EPB41L1: variants seen among roughly 807,000 people sequenced by gnomAD.
EPB41L1 encodes the protein erythrocyte membrane protein band 4.1 like 1.
A neutral mutation model predicts 97.8 loss-of-function variants in EPB41L1; 29 were observed. The observed-to-expected ratio is 0.30, with a 90% CI of 0.22 to 0.40. EPB41L1 has a LOEUF of 0.40. EPB41L1 is among the 10% of genes least tolerant of loss of function. The probability of loss-of-function intolerance (pLI) is 1.00; values close to 1 mark genes in which losing one functional copy is unlikely to be tolerated. For missense variants in EPB41L1, 812 were observed against 1,162.3 expected (o/e 0.70, Z 4.38); for synonymous variants, 383 against 459.2 (o/e 0.83, Z 2.12).
At chr20:36,154,636 C>T, upstream of EPB41L1, 5 of 818,734 alleles carry the variant, frequency 6.1e-6, no homozygotes, top group Non-Finnish European at 6.7e-6. This position sits in a 1 kb window ranked among gnomAD's most constrained non-coding sequence, Gnocchi z 5.5. Flanking sequence ...GAGGCCGGGG[C>T]GGGGGCGGGG....
At position 36,209,945 on chromosome 20, in the gene EPB41L1, C is replaced by G. The variant is rs770021917; in HGVS notation, c.2079+47C>G. 2.5e-6 allele frequency: 4 copies of G among 1,602,304 alleles called. No individual in the cohort carries two copies. Among genetic ancestry groups the G allele is most frequent in the Non-Finnish European group, 3.4e-6 (4 of 1,175,158 alleles). ...AGCCAGGCCCGCTGGGCACCGCATG[C>G]TCAGAGGGCCCTGGGCCACCCGTGA... On this transcript the variant is annotated intron_variant, in intron 15 of 21. Coordinates refer to ENST00000338074, the MANE Select transcript of EPB41L1 (RefSeq NM_012156.2). The surrounding 1 kb of genome is among the most constrained non-coding windows in gnomAD (Gnocchi z 4.2).
intron 2 of EPB41L1, among the ~76,000 whole-genome samples, chr20:36,116,626 GT>G (rs1393472188): frequency 6.6e-6 from 1 of 152,194 alleles, no homozygotes; most frequent in Non-Finnish European, 1.5e-5. Context: ...AGACAGCACA[GT>G]GCTCCAGGCA....
At chr20:36,153,115 A>G (rs770752391), upstream of EPB41L1, 1 of 456,692 alleles carries the variant, frequency 2.2e-6, no homozygotes, top group South Asian at 1.5e-5. Context: ...GTTGGAGAAG[A>G]GAAGGCTTGC....
chr20:36,222,171 C>G (rs2063819394), intron 20 of EPB41L1, 107 bp from the exon 21 acceptor site: 1 of 1,131,258 alleles, frequency 8.8e-7, no homozygotes, highest in African/African-American at 1.5e-5. Flanking sequence ...TTGCCCCTCT[C>G]TGGGCCTCAG....
At chr20:36,179,471 T>C (rs954883113) in intron 5 of EPB41L1, among the ~76,000 whole-genome samples, 1 of 152,348 alleles carries the variant, frequency 6.6e-6, no homozygotes, top group African/African-American at 2.4e-5. Context: ...CATCCTGTGC[T>C]CTTTTCAAGG....
intron 2 of EPB41L1, among the ~76,000 whole-genome samples, chr20:36,121,090 A>G (rs941591259): frequency 1.4e-5 from 2 of 138,876 alleles, no homozygotes; most frequent in Admixed American, 1.5e-4. Flanking sequence ...AAAAAAAAAG[A>G]GAGCGATCTC....
At chr20:36,162,090 C>G (rs529837264) in intron 1 of EPB41L1, among the ~76,000 whole-genome samples, 1 of 152,306 alleles carries the variant, frequency 6.6e-6, no homozygotes, top group African/African-American at 2.4e-5. Flanking sequence ...CACTATACAC[C>G]TTGGAGGTGC....
intron 1 of EPB41L1, among the ~76,000 whole-genome samples, chr20:36,104,282 A>T (rs1245408772): frequency 6.6e-6 from 1 of 152,186 alleles, no homozygotes; most frequent in Non-Finnish European, 1.5e-5. Context: ...GGCTGGGAGG[A>T]GACCCATATT....
intron 2 of EPB41L1, among the ~76,000 whole-genome samples, chr20:36,122,158 G>A (rs143979394): frequency 6.6e-6 from 1 of 152,148 alleles, no homozygotes; most frequent in Non-Finnish European, 1.5e-5. Context: ...CTATGGTTGT[G>A]GGGGGAGAAG....
intron 20 of EPB41L1, 58 bp downstream of exon 20, chr20:36,222,002 T>C: frequency 1.3e-6 from 2 of 1,566,808 alleles, no homozygotes; most frequent in Non-Finnish European, 1.8e-6. Context: ...ATCCCTCCTA[T>C]GTTGGGTTAC....
At chr20:36,124,464 G>A (rs2746105) in intron 2 of EPB41L1, among the ~76,000 whole-genome samples, 56,072 of 151,980 alleles carry the variant, frequency 0.37, 14,122 homozygotes, top group African/African-American at 0.72. Flanking sequence ...GGTCATTTCC[G>A]TCAGCCACAG....
upstream of EPB41L1, among the ~76,000 whole-genome samples, chr20:36,154,218 AGG>A (rs1359161880): frequency 2.6e-5 from 4 of 152,092 alleles, no homozygotes; most frequent in African/African-American, 9.7e-5. This position sits in a 1 kb window ranked among gnomAD's most constrained non-coding sequence, Gnocchi z 5.5. Context: ...GCTGTGCTGC[AGG>A]GGTGGTGAGG....
At chr20:36,105,092 G>T (rs902408409) in intron 1 of EPB41L1, among the ~76,000 whole-genome samples, 2 of 152,176 alleles carry the variant, frequency 1.3e-5, no homozygotes, top group Admixed American at 1.3e-4. Context: ...TGGGAACCAG[G>T]GGAATATTGG....
intron 14 of EPB41L1, among the ~76,000 whole-genome samples, chr20:36,202,271 A>G (rs1229919314): frequency 4.6e-5 from 7 of 152,326 alleles, no homozygotes; most frequent in Admixed American, 3.3e-4. Context: ...GCGGCAGCCC[A>G]TTAACTATTG....
Position 36,232,705 on chromosome 20 carries a change from G to A in EPB41L1, c.*3365G>A, listed in dbSNP as rs2064545230. The A allele has an allele frequency of 5.0e-6, 2 of 398,790 alleles. No homozygotes were observed. Among genetic ancestry groups the A allele is most frequent in the South Asian group, 1.3e-4 (1 of 7,842 alleles). The allele number at this position is 398,790 out of a possible 1,614,324, so 24.7% of individuals were successfully genotyped here. A position where few individuals can be genotyped will look rare whatever the true frequency, so the allele number is the denominator to read the frequency against. ...CCCTTCTCTCCTTTCTCGTCCCCAT[G>A]CTCCCCCACCTCAGTGCTCCGTGCT... On this transcript the variant is annotated 3_prime_UTR_variant, in exon 22 of 22. Transcript: ENST00000338074.
chr20:36,199,516 T>C (rs1238414253), intron 14 of EPB41L1, among the ~76,000 whole-genome samples: 3 of 152,230 alleles, frequency 2.0e-5, no homozygotes, highest in Non-Finnish European at 2.9e-5. Flanking sequence ...CGGCTTTGTC[T>C]AGTAAGGCAT....
At chr20:36,102,710 G>A (rs1731025328) in intron 1 of EPB41L1, among the ~76,000 whole-genome samples, 1 of 152,148 alleles carries the variant, frequency 6.6e-6, no homozygotes, top group Admixed American at 6.5e-5. Context: ...CATCTTCAGA[G>A]ATTCTGGACA....
intron 21 of EPB41L1, among the ~76,000 whole-genome samples, chr20:36,226,352 G>A (rs776413237): frequency 6.6e-6 from 1 of 152,136 alleles, no homozygotes; most frequent in Non-Finnish European, 1.5e-5. Context: ...AATAACAATC[G>A]CTATAATTTA....
In EPB41L1 at chr20:36,094,968, AT is replaced by A. The variant is rs1179706781; in HGVS notation, c.-65+3369del. ...AGGAATGAGCCACCACGCCCAGCTA[AT>A]TTTTTTTTTTTTCTTTTTTGAGACA... On this transcript the variant is annotated intron_variant, in intron 1 of 19. Transcript: ENST00000202028. Among the ~76,000 whole-genome samples the A allele has an allele frequency of 3.5e-3, 503 of 144,796 alleles. 1 individual carries two copies. The highest frequency in any genetic ancestry group is 8.7e-3 in the African/African-American group (343 of 39,580). 95.0% of individuals were successfully genotyped at this position (144,796 alleles called of 152,430 possible). A position where few individuals can be genotyped will look rare whatever the true frequency, so the allele number is the denominator to read the frequency against.
Sources: gnomAD v4.1 joint callset for allele counts (sites outside exome capture counted in the v4.1 genomes callset) on GRCh38, gnomAD v4.1.1 for gene constraint, Gnocchi (gnomAD v3.1) non-coding constraint, MANE v1.5 for transcripts, NCBI Gene and HGNC (gene_info 2026-07-23, HGNC 2026-07-21) for gene names.